CBLB: variants seen among roughly 807,000 people sequenced by gnomAD.
The protein encoded by CBLB is Cbl proto-oncogene B.
A neutral mutation model predicts 104.9 loss-of-function variants in CBLB; 31 were observed. The ratio of observed to expected loss-of-function variants is 0.30; its 90% CI spans 0.22 to 0.40. The LOEUF (loss-of-function observed/expected upper bound fraction) is 0.40, where lower values mean the gene tolerates loss of function less well. Ranked by LOEUF, CBLB falls within the 10% of genes least tolerant of loss-of-function variation. CBLB has a pLI of 1.00. For missense variants in CBLB, 1,062 were observed against 1,214.6 expected, an observed-to-expected ratio of 0.87 and a Z score of 1.87; for synonymous variants, 440 against 422.6, an observed-to-expected ratio of 1.04 and a Z score of -0.51.
chr3:105,751,369 T>C (rs1483469171), intron 5 of CBLB, 93 bp downstream of exon 5: 3 of 832,844 alleles, frequency 3.6e-6, no homozygotes, highest in South Asian at 1.4e-5. Flanking sequence ...TATGTGTGTG[T>C]GTGTGAGAGA....
chr3:105,763,069 C>A (rs950646474), intron 4 of CBLB, among the ~76,000 whole-genome samples: 1 of 152,156 alleles, frequency 6.6e-6, no homozygotes, highest in East Asian at 1.9e-4. Flanking sequence ...CGCTGGATTT[C>A]GGACTTGTGT....
At chr3:105,762,943 AG>A (rs373224847) in intron 4 of CBLB, among the ~76,000 whole-genome samples, 80 of 152,360 alleles carry the variant, frequency 5.3e-4, no homozygotes, top group East Asian at 4.6e-3. Context: ...TACCCTGCGA[AG>A]CCACGGGGTG....
intron 4 of CBLB, among the ~76,000 whole-genome samples, chr3:105,775,247 G>C (rs573860393): frequency 6.6e-6 from 1 of 152,094 alleles, no homozygotes; most frequent in South Asian, 2.1e-4. Context: ...GTGGGAAATA[G>C]GCTTTAATAT....
intron 10 of CBLB, 121 bp from the exon 11 acceptor site, chr3:105,704,294 C>A: frequency 5.6e-6 from 5 of 897,282 alleles, no homozygotes; most frequent in Non-Finnish European, 7.3e-6. Context: ...AAAATGAATT[C>A]CCTTAGTTTA....
chr3:105,762,245 A>G (rs1203357257), intron 4 of CBLB: 2 of 152,240 alleles, frequency 1.3e-5, no homozygotes, highest in African/African-American at 4.8e-5. Flanking sequence ...GTGATAAAAA[A>G]GAAAAACACA....
intron 16 of CBLB, among the ~76,000 whole-genome samples, chr3:105,680,629 ACTG>A (rs1426548031): frequency 2.0e-5 from 3 of 152,344 alleles, no homozygotes; most frequent in African/African-American, 7.2e-5. Context: ...AGCAAAAGAT[ACTG>A]CAATTGTGTC....
intron 10 of CBLB, among the ~76,000 whole-genome samples, chr3:105,713,235 G>A (rs34158160): frequency 2.6e-5 from 4 of 151,958 alleles, no homozygotes; most frequent in Non-Finnish European, 4.4e-5. Context: ...TATGGACCAA[G>A]TACTTGGGGG....
intron 1 of CBLB, 77 bp downstream of exon 1, chr3:105,868,659 G>T: frequency 1.1e-6 from 1 of 947,868 alleles, no homozygotes; most frequent in Non-Finnish European, 1.3e-6. Context: ...CTTCCTCCTT[G>T]GCCCGCGCCT....
intron 3 of CBLB, among the ~76,000 whole-genome samples, chr3:105,788,069 T>TC (rs1381968622): frequency 2.0e-5 from 3 of 152,218 alleles, no homozygotes; most frequent in Non-Finnish European, 4.4e-5. Context: ...AATGTGCTAA[T>TC]ATTTGTAGTA....
chr3:105,702,337 A>G lies in CBLB; in HGVS notation c.1716T>C (p.Ser572=), dbSNP rs1489438940. ...CGCTTTCCACATGATGGATGTGTCT[A>G]CTCAGTCTATTGTCTGGTGGGATTG... is the stretch of plus-strand genomic sequence containing the variant. ...PPPIPPDNRL[S]RHIHHVESVP... Residue 572 remains serine (S), a synonymous_variant, in exon 12 of 19, where the codon AGT becomes AGC. Coordinates refer to ENST00000394030, the MANE Select transcript of CBLB (RefSeq NM_170662.5). 6.2e-7 allele frequency: 1 copy of G among 1,613,756 alleles called. No homozygotes were observed.
At chr3:105,803,668 G>GAGAC (rs1164032403) in intron 3 of CBLB, among the ~76,000 whole-genome samples, 3 of 152,128 alleles carry the variant, frequency 2.0e-5, no homozygotes, top group Non-Finnish European at 2.9e-5. Context: ...TGGGAGTAAG[G>GAGAC]AGACAGTCCA....
chr3:105,806,983 A>G (rs1452458910), intron 3 of CBLB, among the ~76,000 whole-genome samples: 1 of 152,244 alleles, frequency 6.6e-6, no homozygotes, highest in Non-Finnish European at 1.5e-5. Flanking sequence ...ATTGAGCTGC[A>G]CAGGGACACG....
At chr3:105,718,513 T>C (rs1194533539) in intron 10 of CBLB, among the ~76,000 whole-genome samples, 1 of 152,130 alleles carries the variant, frequency 6.6e-6, no homozygotes, top group Non-Finnish European at 1.5e-5. Flanking sequence ...CCCAAAGAAA[T>C]GCCTTGTCAA....
At chr3:105,845,295 T>C (rs1034934746) in intron 3 of CBLB, among the ~76,000 whole-genome samples, 3 of 151,100 alleles carry the variant, frequency 2.0e-5, no homozygotes, top group African/African-American at 7.3e-5. Flanking sequence ...TAATCTGATT[T>C]AGAAGAAATT....
chr3:105,821,612 C>T (rs1387833037), intron 3 of CBLB, among the ~76,000 whole-genome samples: 1 of 152,158 alleles, frequency 6.6e-6, no homozygotes, highest in African/African-American at 2.4e-5. Context: ...GTGCCAAATG[C>T]GCATTTGGAC....
chr3:105,830,236 A>C (rs1463198250), intron 3 of CBLB, among the ~76,000 whole-genome samples: 4 of 150,664 alleles, frequency 2.7e-5, no homozygotes, highest in African/African-American at 9.7e-5. Flanking sequence ...ATAAATAAAT[A>C]AAGCCACGTA....
intron 5 of CBLB, chr3:105,749,541 A>C (rs2076405983): frequency 6.4e-6 from 1 of 155,698 alleles, no homozygotes; most frequent in South Asian, 1.8e-4. Flanking sequence ...TCATACTTTC[A>C]ATATATAACT....
intron 12 of CBLB, among the ~76,000 whole-genome samples, chr3:105,699,138 T>C (rs2068764192): frequency 6.6e-6 from 1 of 152,134 alleles, no homozygotes; most frequent in Non-Finnish European, 1.5e-5. Context: ...GGTTATTGAA[T>C]GCTTAACCAA....
intron 4 of CBLB, among the ~76,000 whole-genome samples, chr3:105,757,441 G>A (rs891910634): frequency 6.6e-6 from 1 of 152,192 alleles, no homozygotes; most frequent in African/African-American, 2.4e-5. Context: ...TGGTGACTAT[G>A]TGCGACTTTC....
Sources: allele counts gnomAD v4.1 joint callset (sites outside exome capture counted in the v4.1 genomes callset), GRCh38; gene constraint gnomAD v4.1.1; transcripts MANE v1.5; gene names NCBI Gene and HGNC (gene_info 2026-07-23, HGNC 2026-07-21).